Variants in EDNRB observed in about 807,000 individuals in gnomAD.
EDNRB encodes Hirschsprung disease 2.
EDNRB carries 18 observed loss-of-function variants against 46.4 expected under a neutral mutation model. That is an observed-to-expected ratio of 0.39 (90% CI 0.27 to 0.57). The LOEUF is 0.57. Ranked by LOEUF, EDNRB falls within the 20% of genes least tolerant of loss-of-function variation. The pLI, the probability that EDNRB is intolerant of heterozygous loss-of-function variation, is 0.61. For missense variants in EDNRB, 434 were observed against 537.5 expected (o/e 0.81, Z 1.90); for synonymous variants, 213 against 204.9 (o/e 1.04, Z -0.34).
chr13:77,972,307 G>T (rs556471050), intron 1 of EDNRB, among the ~76,000 whole-genome samples: 1 of 152,212 alleles, frequency 6.6e-6, no homozygotes, highest in Non-Finnish European at 1.5e-5. Flanking sequence ...TTTGTTTAAC[G>T]TGCAGGCGGA....
intron 1 of EDNRB, among the ~76,000 whole-genome samples, chr13:77,955,835 ATG>A (rs1469628882): frequency 6.8e-6 from 1 of 147,800 alleles, no homozygotes; most frequent in East Asian, 2.0e-4. Context: ...GGGTGTGTGT[ATG>A]TGTGTGTGTA....
At chr13:77,942,237 A>G (rs1880771703) in intron 1 of EDNRB, among the ~76,000 whole-genome samples, 1 of 152,198 alleles carries the variant, frequency 6.6e-6, no homozygotes, top group South Asian at 2.1e-4. Context: ...TTGGTATTAT[A>G]TTATGAAGAG....
At chr13:77,932,848 T>C (rs1030885277) in intron 1 of EDNRB, among the ~76,000 whole-genome samples, 3 of 152,242 alleles carry the variant, frequency 2.0e-5, no homozygotes, top group African/African-American at 7.2e-5. Flanking sequence ...CATTTCTAGT[T>C]CAATTCAAAT....
chr13:77,933,186 T>A (rs559639329), intron 1 of EDNRB, among the ~76,000 whole-genome samples: 1 of 152,318 alleles, frequency 6.6e-6, no homozygotes, highest in South Asian at 2.1e-4. Flanking sequence ...CACTTCAAAA[T>A]TTAACTTGTG....
chr13:77,913,528 C>A lies in EDNRB; in HGVS notation c.483+4563G>T, dbSNP rs924342420. Among the ~76,000 whole-genome samples the A allele has an allele frequency of 3.9e-5, 6 of 152,132 alleles. No individual in the cohort carries two copies. In the East Asian group the frequency reaches 1.2e-3, roughly 29 times the overall value. On this transcript the variant is annotated intron_variant, in intron 1 of 6. Transcript: ENST00000646607. ...GTAGATTTGTTTTTAAATGCAATTT[C>A]TTTACACATAAAGGAAGCTATATTT...
At position 77,896,350 on chromosome 13, in the gene EDNRB, C is replaced by T; in HGVS notation, c.*1850G>A. The T allele has an allele frequency of 5.2e-6, 7 of 1,355,914 alleles. No individual in the cohort carries two copies. The highest frequency in any genetic ancestry group is 6.8e-6 in the Non-Finnish European group (7 of 1,025,708). The allele number at this position is 1,355,914 out of a possible 1,614,324, so 84.0% of individuals were successfully genotyped here. On this transcript the variant is annotated 3_prime_UTR_variant, in exon 7 of 7. Transcript: ENST00000646607. ...TAAAATTGAGAGTCTAAAATGACTT[C>T]TATGATAACAGGCCTCTGAAAAAGT...
chr13:77,954,065 C>T (rs1377620358), intron 1 of EDNRB, among the ~76,000 whole-genome samples: 1 of 152,120 alleles, frequency 6.6e-6, no homozygotes, highest in East Asian at 1.9e-4. Context: ...TTATCTACTT[C>T]CCCCTTCTTT....
At position 77,918,383 on chromosome 13, in the gene EDNRB, C is replaced by G. The variant is rs201002254; in HGVS notation, c.191G>C (p.Arg64Pro). ...WPKGSNASLA[R>P]SLAPAEVPKG... ...AGGCACCTCCGCAGGTGCCAACGAC[C>G]GCGCCAGACTGGCGTTGGAACCCTT... is the stretch of plus-strand genomic sequence containing the variant. The change falls in exon 1 of 7, where the codon CGG (arginine) becomes CCG (proline). Residue 64 changes from arginine (R) to proline (P), a missense_variant. Physicochemically the swap from Arg to Pro is moderately radical, Grantham distance 103 (BLOSUM62 -2). Coordinates refer to ENST00000646607, the MANE Select transcript of EDNRB (RefSeq NM_001122659.3). This position sits in a 1 kb window ranked among gnomAD's most constrained non-coding sequence, Gnocchi z 4.5. 21 of 1,605,226 alleles carry G rather than the reference C, an allele frequency of 1.3e-5. No individual in the cohort carries two copies. The South Asian group carries it at 1.9e-4, about 14-fold the overall frequency.
intron 1 of EDNRB, among the ~76,000 whole-genome samples, chr13:77,908,069 C>G (rs145869764): frequency 2.7e-4 from 37 of 139,596 alleles, no homozygotes; most frequent in African/African-American, 8.5e-4. Flanking sequence ...TAACCTTTAT[C>G]AGCTTTCAGC....
At chr13:77,971,570 G>A (rs1881731378) in intron 1 of EDNRB, among the ~76,000 whole-genome samples, 1 of 149,626 alleles carries the variant, frequency 6.7e-6, no homozygotes, top group Admixed American at 6.7e-5. Context: ...CTCCAGGGCT[G>A]GGGCCAACAT....
intron 1 of EDNRB, among the ~76,000 whole-genome samples, chr13:77,969,328 A>T (rs771612632): frequency 6.6e-6 from 1 of 152,226 alleles, no homozygotes; most frequent in African/African-American, 2.4e-5. Flanking sequence ...TGCTGTTTGC[A>T]AAGACCATTT....
At position 77,942,644 on chromosome 13, in the gene EDNRB, T is replaced by G. The variant is rs529698947; in HGVS notation, c.-51-24020A>C. Among the ~76,000 whole-genome samples, 7 of 152,292 alleles carry G rather than the reference T, an allele frequency of 4.6e-5. No individual in the cohort carries two copies. The East Asian group carries it at 7.7e-4, about 17-fold the overall frequency. On this transcript the variant is annotated intron_variant, in intron 1 of 7. Transcript: ENST00000646948. ...CCAATTGGCAATATGCAAACAATAATTTATTCAACCTTAGAAATAACTGTA... is the reference window on the plus strand; with the variant it reads ...CCAATTGGCAATATGCAAACAATAAGTTATTCAACCTTAGAAATAACTGTA...
At chr13:77,937,925 A>T (rs983904910) in intron 1 of EDNRB, among the ~76,000 whole-genome samples, 1 of 152,158 alleles carries the variant, frequency 6.6e-6, no homozygotes, top group African/African-American at 2.4e-5. Flanking sequence ...GAATGCCTGG[A>T]TGTCAGGCAT....
intron 1 of EDNRB, among the ~76,000 whole-genome samples, chr13:77,967,649 T>C (rs1325941666): frequency 6.6e-6 from 1 of 152,238 alleles, no homozygotes; most frequent in Non-Finnish European, 1.5e-5. Context: ...TAGAGAATTA[T>C]GGTTACAATA....
intron 6 of EDNRB, among the ~76,000 whole-genome samples, chr13:77,898,780 A>G (rs1594354792): frequency 6.6e-6 from 1 of 151,946 alleles, no homozygotes; most frequent in African/African-American, 2.4e-5. Flanking sequence ...CCTTGTAGAT[A>G]CTTTCACAAA....
upstream of EDNRB, chr13:77,919,718 C>T: frequency 8.6e-7 from 1 of 1,165,362 alleles, no homozygotes; most frequent in Admixed American, 2.3e-5. Flanking sequence ...TAGTAGTTGC[C>T]CGAGGGAGGG....
intron 1 of EDNRB, among the ~76,000 whole-genome samples, chr13:77,973,398 C>T (rs1452331313): frequency 2.6e-5 from 4 of 152,082 alleles, no homozygotes; most frequent in East Asian, 3.9e-4. Context: ...TTTATAGACT[C>T]TTTTTAACAT....
At chr13:77,972,991 C>G (rs534335210) in intron 1 of EDNRB, among the ~76,000 whole-genome samples, 1 of 152,104 alleles carries the variant, frequency 6.6e-6, no homozygotes, top group African/African-American at 2.4e-5. Flanking sequence ...TTTCTTCTTT[C>G]CACCTTTTGA....
At chr13:77,955,458 A>G (rs1252970012) in intron 1 of EDNRB, among the ~76,000 whole-genome samples, 2 of 152,268 alleles carry the variant, frequency 1.3e-5, no homozygotes, top group East Asian at 1.9e-4. Flanking sequence ...TTGCCATGCA[A>G]AAGTATTTAG....
Sources: allele counts gnomAD v4.1 joint callset (sites outside exome capture counted in the v4.1 genomes callset), GRCh38; gene constraint gnomAD v4.1.1; non-coding constraint Gnocchi (gnomAD v3.1); transcripts MANE v1.5; gene names NCBI Gene and HGNC (gene_info 2026-07-23, HGNC 2026-07-21).